The following ANXA8 variants were observed in gnomAD, a reference collection of about 807,000 sequenced individuals.
ANXA8 encodes annexin A8, also known as VAC-beta.
ANXA8 carries 9 observed loss-of-function variants against 26.8 expected under a neutral mutation model. The observed-to-expected ratio is 0.34, with a 90% CI of 0.20 to 0.59. ANXA8 has a LOEUF of 0.59. ANXA8 is among the 20% of genes least tolerant of loss of function. The probability of loss-of-function intolerance (pLI) is 0.84; values close to 1 mark genes in which losing one functional copy is unlikely to be tolerated. For missense variants in ANXA8, 83 were observed against 238.5 expected (o/e 0.35, Z 4.29); for synonymous variants, 39 against 94.8 (o/e 0.41, Z 3.42).
the ANXA8 span, among the ~76,000 whole-genome samples, chr10:47,679,042 C>CAAAA: frequency 1.5e-5 from 1 of 65,132 alleles, no homozygotes; most frequent in Non-Finnish European, 2.8e-5. Flanking sequence ...GAACCTATCT[C>CAAAA]AAAAAAAAAA....
At position 47,469,685 on chromosome 10, in the gene ANXA8, A is replaced by C. The variant is rs1839256164; in HGVS notation, c.925-779T>G. Reference sequence around the variant, plus strand: ...GATTCTTCTTCATGCAGTTGAGGACAGCGGGGCCAAGAGAGGGGAGTGAAT... The same window carrying C: ...GATTCTTCTTCATGCAGTTGAGGACCGCGGGGCCAAGAGAGGGGAGTGAAT... On this transcript the variant is annotated intron_variant, in intron 11 of 11. Transcript: ENST00000585281. Among the ~76,000 whole-genome samples the C allele has an allele frequency of 2.6e-5, 4 of 151,476 alleles. No homozygotes were observed. In the South Asian group the frequency reaches 8.3e-4, roughly 32 times the overall value.
At chr10:47,510,939 T>A in the ANXA8 span, among the ~76,000 whole-genome samples, 11,087 of 113,734 alleles carry the variant, frequency 0.097, 638 homozygotes, top group African/African-American at 0.19. Context: ...TTAATTAATT[T>A]ATTTATTTAT....
the ANXA8 span, among the ~76,000 whole-genome samples, chr10:47,978,103 A>G: frequency 4.6e-5 from 7 of 152,214 alleles, no homozygotes; most frequent in African/African-American, 1.7e-4. Context: ...AAATTCCTCA[A>G]TAAGATTAAC....
chr10:47,730,738 G>C, the ANXA8 span, among the ~76,000 whole-genome samples: 1,307 of 145,768 alleles, frequency 9.0e-3, no homozygotes, highest in African/African-American at 0.031. Context: ...TTTAGTCCCT[G>C]CTACATTCCA....
At chr10:47,970,695 T>C in the ANXA8 span, among the ~76,000 whole-genome samples, 1 of 151,514 alleles carries the variant, frequency 6.6e-6, no homozygotes, top group South Asian at 2.1e-4. Context: ...ATTTCTACAG[T>C]TTTATTTGAG....
At chr10:47,694,588 T>C in the ANXA8 span, among the ~76,000 whole-genome samples, 1 of 151,496 alleles carries the variant, frequency 6.6e-6, no homozygotes, top group African/African-American at 2.4e-5. Flanking sequence ...GCCTGACTAA[T>C]TTTTGTATTT....
At chr10:47,556,388 G>A in the ANXA8 span, among the ~76,000 whole-genome samples, 1 of 151,898 alleles carries the variant, frequency 6.6e-6, no homozygotes, top group Non-Finnish European at 1.5e-5. Flanking sequence ...ACAAGTTACT[G>A]TTATCTTTTA....
At position 47,468,756 on chromosome 10, in the gene ANXA8, C is replaced by T. The variant is rs1468926597; in HGVS notation, c.*91G>A. ...ATAGAAGACCGAAAGGCTGGGACCC[C>T]CCTCACACCCAACCTGCGTCCATGG... On this transcript the variant is annotated 3_prime_UTR_variant, in exon 12 of 12. Transcript: ENST00000585281. 4.5e-6 allele frequency: 7 copies of T among 1,555,876 alleles called. No individual in the cohort carries two copies. The highest frequency in any genetic ancestry group is 4.9e-5 in the East Asian group (2 of 40,970).
chr10:47,652,434 T>TA, the ANXA8 span, among the ~76,000 whole-genome samples: 2 of 151,376 alleles, frequency 1.3e-5, no homozygotes, highest in African/African-American at 2.5e-5. Context: ...CCATCTCTAT[T>TA]AAAAAAACAA....
chr10:47,975,674 T>C, the ANXA8 span, among the ~76,000 whole-genome samples: 1 of 151,162 alleles, frequency 6.6e-6, no homozygotes, highest in Non-Finnish European at 1.5e-5. Context: ...GGTCATTAAA[T>C]GATATCAGAT....
At chr10:47,513,173 A>T in the ANXA8 span, among the ~76,000 whole-genome samples, 142 of 140,942 alleles carry the variant, frequency 1.0e-3, no homozygotes, top group Middle Eastern at 3.7e-3. Context: ...TAGATGGGAT[A>T]ACAGGTGAGC....
At chr10:47,733,221 CTCTTTCTTTCTCTCTTTCTT>C in the ANXA8 span, among the ~76,000 whole-genome samples, 211 of 58,178 alleles carry the variant, frequency 3.6e-3, no homozygotes, top group African/African-American at 0.011. Context: ...TTCTTTCTTT[CTCTTTCTTTCTCTCTTTCTT>C]TCTTTCTTTC....
the ANXA8 span, among the ~76,000 whole-genome samples, chr10:47,932,724 G>GTCTT: frequency 3.3e-5 from 2 of 60,256 alleles, 1 homozygote; most frequent in African/African-American, 1.9e-4. Flanking sequence ...CTCTTTCTCT[G>GTCTT]TCTTTCTGTC....
chr10:47,604,709 A>G, the ANXA8 span, among the ~76,000 whole-genome samples: 3 of 152,262 alleles, frequency 2.0e-5, no homozygotes, highest in African/African-American at 4.8e-5. Flanking sequence ...AGCTATTTGT[A>G]GTCTAAATTA....
chr10:47,474,078 C>T lies in ANXA8; in HGVS notation c.647-13G>A. On this transcript the variant is annotated splice_polypyrimidine_tract_variant and intron_variant, in intron 8 of 11. Coordinates refer to ENST00000585281, the MANE Select transcript of ANXA8 (RefSeq NM_001040084.3). Reference sequence around the variant, plus strand: ...TACTCTTCAAACACTGTGGAGAGGGCTCTGCTCAGGGGATGGTCAGACCTC... The same window carrying T: ...TACTCTTCAAACACTGTGGAGAGGGTTCTGCTCAGGGGATGGTCAGACCTC... 1 of 534,488 alleles carries T rather than the reference C, an allele frequency of 1.9e-6. No homozygotes were observed. The highest frequency in any genetic ancestry group is 7.1e-5 in the East Asian group (1 of 14,006). The allele number at this position is 534,488 out of a possible 1,614,324, so 33.1% of individuals were successfully genotyped here.
the ANXA8 span, chr10:47,991,782 C>G: frequency 1.3e-5 from 21 of 1,609,734 alleles, no homozygotes; most frequent in Non-Finnish European, 1.7e-5. Context: ...TGTCTGGCTC[C>G]TGCAGCTGAG....
the ANXA8 span, among the ~76,000 whole-genome samples, chr10:47,714,331 A>G: frequency 2.7e-5 from 4 of 148,046 alleles, no homozygotes; most frequent in South Asian, 8.6e-4. Context: ...ATGATTTTCC[A>G]CCAAAAAAAA....
At chr10:47,664,371 T>TC in the ANXA8 span, among the ~76,000 whole-genome samples, 7 of 151,540 alleles carry the variant, frequency 4.6e-5, no homozygotes, top group African/African-American at 1.5e-4. Context: ...AGAGTGAAAC[T>TC]CCATTTCAAA....
the ANXA8 span, among the ~76,000 whole-genome samples, chr10:47,680,403 G>A: frequency 3.3e-5 from 5 of 151,848 alleles, no homozygotes; most frequent in Non-Finnish European, 7.4e-5. Flanking sequence ...GGGAGTCTGC[G>A]GTGGGTGGAT....
Sources: gnomAD v4.1 joint callset for allele counts (sites outside exome capture counted in the v4.1 genomes callset) on GRCh38, gnomAD v4.1.1 for gene constraint, MANE v1.5 for transcripts, NCBI Gene and HGNC (gene_info 2026-07-23, HGNC 2026-07-21) for gene names.